TIA1: variants seen among roughly 807,000 people sequenced by gnomAD.
TIA1 encodes the protein TIA1 cytotoxic granule associated RNA binding protein, also known as cytotoxic granule associated RNA binding protein TIA1.
A neutral mutation model predicts 65.9 loss-of-function variants in TIA1; 23 were observed. The ratio of observed to expected loss-of-function variants is 0.35; its 90% CI spans 0.25 to 0.49. TIA1 has a LOEUF of 0.49. TIA1 is among the 20% of genes least tolerant of loss of function. The pLI, the probability that TIA1 is intolerant of heterozygous loss-of-function variation, is 0.98. For missense variants in TIA1, 371 were observed against 477.9 expected, an observed-to-expected ratio of 0.78 and a Z score of 2.09; for synonymous variants, 147 against 149.4, an observed-to-expected ratio of 0.98 and a Z score of 0.12.
intron 10 of TIA1, chr2:70,215,800 T>G (rs1055666015): frequency 1.2e-5 from 4 of 321,044 alleles, no homozygotes; most frequent in African/African-American, 2.2e-5. Flanking sequence ...CATGCTGGAG[T>G]GCAGTGATTG....
intron 7 of TIA1, 101 bp from the exon 8 acceptor site, chr2:70,217,095 A>AGTGAAAATGCTCT: frequency 8.3e-7 from 1 of 1,212,024 alleles, no homozygotes; most frequent in Non-Finnish European, 1.1e-6. Flanking sequence ...CAAATGTTTA[A>AGTGAAAATGCTCT]GTGAAAATGC....
chr2:70,228,690 C>A (rs2104398418), intron 5 of TIA1: 1 of 985,370 alleles, frequency 1.0e-6, no homozygotes, highest in Non-Finnish European at 1.2e-6. Context: ...ATTTGACAGG[C>A]CTTAAACAAC....
At chr2:70,228,855 G>C in intron 5 of TIA1, 1 of 1,432,756 alleles carries the variant, frequency 7.0e-7, no homozygotes, top group Non-Finnish European at 9.1e-7. Flanking sequence ...TACCAAACGG[G>C]TCAGAAAGCT....
Position 70,212,797 on chromosome 2 carries a change from T to C in TIA1, c.1083A>G (p.Gln361=), listed in dbSNP as rs781188920. 23 of 1,614,016 alleles carry C rather than the reference T, an allele frequency of 1.4e-5. No individual in the cohort carries two copies. The highest frequency in any genetic ancestry group is 3.3e-5 in the Admixed American group (2 of 60,004). ...TGCTGCCATTTTGCCCTTGAGGCGG[T>C]TGCACTCCATAATTTGGTCCCATCC... is the stretch of plus-strand genomic sequence containing the variant. The part of the protein sequence containing the change: ...APWMGPNYGV[Q]PPQGQNGSML... Residue 361 remains glutamine (Q), a synonymous_variant, in exon 13 of 13, where the codon CAA becomes CAG. Coordinates refer to ENST00000433529, the MANE Select transcript of TIA1 (RefSeq NM_022173.4).
intron 3 of TIA1, among the ~76,000 whole-genome samples, chr2:70,229,546 A>G (rs1685219170): frequency 6.6e-6 from 1 of 152,120 alleles, no homozygotes; most frequent in Non-Finnish European, 1.5e-5. Flanking sequence ...TTCCTACCTA[A>G]AGTACCCATA....
intron 10 of TIA1, 43 bp from the exon 11 acceptor site, chr2:70,215,537 A>G: frequency 6.5e-7 from 1 of 1,538,354 alleles, no homozygotes; most frequent in East Asian, 2.4e-5. Flanking sequence ...AAATTCTTTT[A>G]AATATTTATG....
intron 7 of TIA1, among the ~76,000 whole-genome samples, chr2:70,220,761 G>A (rs756888462): frequency 6.6e-6 from 1 of 152,080 alleles, no homozygotes; most frequent in Non-Finnish European, 1.5e-5. Flanking sequence ...GTTGGTGGTT[G>A]TGAATGGGAG....
At chr2:70,236,600 A>G (rs1035788105) in intron 1 of TIA1, among the ~76,000 whole-genome samples, 17 of 151,948 alleles carry the variant, frequency 1.1e-4, no homozygotes, top group African/African-American at 4.1e-4. Context: ...AACGGACTAG[A>G]GGAACCACCA....
At chr2:70,225,417 T>C (rs1683380757) in intron 6 of TIA1, 1 of 1,287,732 alleles carries the variant, frequency 7.8e-7, no homozygotes, top group Non-Finnish European at 1.0e-6. Flanking sequence ...AGAGCCCTAT[T>C]ATTTGAGATT....
At position 70,219,625 on chromosome 2, in the gene TIA1, C is replaced by T. The variant is rs528184850; in HGVS notation, c.475-2631G>A. ...AGCTAGGACTATAAGCATGCACCAA[C>T]AAGGTTGGCTGTTTTTTTTATTTTT... On this transcript the variant is annotated intron_variant, in intron 7 of 12. Transcript: ENST00000433529. Among the ~76,000 whole-genome samples the T allele has an allele frequency of 2.6e-5, 4 of 151,694 alleles. No individual in the cohort carries two copies. In the South Asian group the frequency reaches 8.3e-4, roughly 31 times the overall value.
chr2:70,224,494 A>G, intron 7 of TIA1, 60 bp downstream of exon 7: 1 of 1,605,570 alleles, frequency 6.2e-7, no homozygotes, highest in South Asian at 1.1e-5. Flanking sequence ...AGTAATTAAA[A>G]CGGAGTGTTT....
Position 70,234,781 on chromosome 2 carries a change from C to G in TIA1, c.123+1298G>C, listed in dbSNP as rs2592180. Among the ~76,000 whole-genome samples the G allele has an allele frequency of 1.2e-3, 180 of 151,596 alleles. 1 individual carries two copies. Among genetic ancestry groups the G allele is most frequent in the Non-Finnish European group, 2.0e-3 (133 of 67,754 alleles). On this transcript the variant is annotated intron_variant, in intron 2 of 12. Coordinates refer to ENST00000433529, the MANE Select transcript of TIA1 (RefSeq NM_022173.4). ...TTCGCCATGTTGGTCAGGCTAGTCT[C>G]GAACTCCTGACCTCATGATCTGCCT...
intron 7 of TIA1, among the ~76,000 whole-genome samples, chr2:70,222,148 CAAAA>C (rs70956953): frequency 6.8e-6 from 1 of 148,000 alleles, no homozygotes; most frequent in African/African-American, 2.5e-5. Flanking sequence ...AACAAACAAA[CAAAA>C]AAAAAACAAT....
chr2:70,240,663 G>A (rs1691249842), intron 1 of TIA1, among the ~76,000 whole-genome samples: 1 of 152,172 alleles, frequency 6.6e-6, no homozygotes, highest in African/African-American at 2.4e-5. Context: ...GAGACCAGGA[G>A]TTAGAGACCA....
chr2:70,241,467 C>A (rs1312211803), intron 1 of TIA1, among the ~76,000 whole-genome samples: 1 of 151,976 alleles, frequency 6.6e-6, no homozygotes, highest in Admixed American at 6.6e-5. Context: ...AAGTTTTGAC[C>A]AATGAACTAG....
intron 3 of TIA1, among the ~76,000 whole-genome samples, chr2:70,229,891 T>C (rs996603912): frequency 6.7e-6 from 1 of 150,358 alleles, no homozygotes; most frequent in Non-Finnish European, 1.5e-5. Flanking sequence ...TGAGCCAAGA[T>C]GGTGCCACTG....
intron 2 of TIA1, among the ~76,000 whole-genome samples, chr2:70,231,492 A>G (rs1269851675): frequency 6.6e-6 from 1 of 152,146 alleles, no homozygotes; most frequent in Non-Finnish European, 1.5e-5. Flanking sequence ...GCTTTTATAC[A>G]TAGCTATTTT....
chr2:70,219,147 A>C (rs940753123), intron 7 of TIA1, among the ~76,000 whole-genome samples: 10 of 152,230 alleles, frequency 6.6e-5, no homozygotes, highest in African/African-American at 2.4e-4. Flanking sequence ...TACAAAATTC[A>C]TGCAGACTAG....
At position 70,229,070 on chromosome 2, in the gene TIA1, T is replaced by A. The variant is rs1558848417; in HGVS notation, c.299A>T (p.Gln100Leu). 6.2e-7 allele frequency: 1 copy of A among 1,611,482 alleles called. No individual in the cohort carries two copies. Among genetic ancestry groups the A allele is most frequent in the African/African-American group, 1.3e-5 (1 of 74,450 alleles). The change falls in exon 5 of 13, where the codon CAG (glutamine) becomes CTG (leucine). Residue 100 changes from glutamine to leucine, a missense_variant. Coordinates refer to ENST00000433529, the MANE Select transcript of TIA1 (RefSeq NM_022173.4). Reference sequence around the variant, plus strand: ...GAAGATACAATTACCTTGTGAACGCTGTGTGCTGACAACGGTACTACCTGA... The same window carrying A: ...GAAGATACAATTACCTTGTGAACGCAGTGTGCTGACAACGGTACTACCTGA... ...DTSSSTVVST[Q>L]RSQDHFHVFV...
Sources: gnomAD v4.1 joint callset for allele counts (sites outside exome capture counted in the v4.1 genomes callset) on GRCh38, gnomAD v4.1.1 for gene constraint, MANE v1.5 for transcripts, NCBI Gene and HGNC (gene_info 2026-07-23, HGNC 2026-07-21) for gene names.